The following FRYL variants were observed in gnomAD, a reference collection of about 807,000 sequenced individuals.
FRYL encodes protein furry homolog-like.
A neutral mutation model predicts 351.2 loss-of-function variants in FRYL; 150 were observed. The ratio of observed to expected loss-of-function variants is 0.43; its 90% CI spans 0.37 to 0.49. The LOEUF is 0.49. FRYL is among the 20% of genes least tolerant of loss of function. The pLI is 0.00. For missense variants in FRYL, 3,036 were observed against 3,619.3 expected, an observed-to-expected ratio of 0.84 and a Z score of 4.13; for synonymous variants, 1,153 against 1,257.1, an observed-to-expected ratio of 0.92 and a Z score of 1.75.
intron 2 of FRYL, among the ~76,000 whole-genome samples, chr4:48,706,561 T>C (rs926040531): frequency 2.0e-5 from 3 of 152,200 alleles, no homozygotes; most frequent in African/African-American, 4.8e-5. Flanking sequence ...TGGAGATGCA[T>C]GATAGTGATA....
intron 17 of FRYL, among the ~76,000 whole-genome samples, chr4:48,590,184 A>T (rs1363666634): frequency 6.6e-6 from 1 of 152,124 alleles, no homozygotes; most frequent in Non-Finnish European, 1.5e-5. Context: ...TATTATCAAA[A>T]AAACGTATTC....
chr4:48,528,590 T>C (rs1319727650), intron 50 of FRYL, among the ~76,000 whole-genome samples: 1 of 152,174 alleles, frequency 6.6e-6, no homozygotes, highest in African/African-American at 2.4e-5. Context: ...TTAAATGTAA[T>C]CTGCATTCTT....
At chr4:48,751,472 T>C (rs1054911620) in intron 1 of FRYL, among the ~76,000 whole-genome samples, 4 of 152,162 alleles carry the variant, frequency 2.6e-5, no homozygotes, top group African/African-American at 9.7e-5. Flanking sequence ...AATAAAGGCA[T>C]GTCCAGGACA....
At chr4:48,728,567 A>T (rs1770340471) in intron 1 of FRYL, among the ~76,000 whole-genome samples, 1 of 152,192 alleles carries the variant, frequency 6.6e-6, no homozygotes, top group Non-Finnish European at 1.5e-5. Flanking sequence ...AAAAAACAAA[A>T]AAAGCAAACA....
chr4:48,774,778 C>T, intron 1 of FRYL, among the ~76,000 whole-genome samples: 1 of 152,152 alleles, frequency 6.6e-6, no homozygotes, highest in Admixed American at 6.5e-5. Flanking sequence ...GAACTCCTAT[C>T]CTCAGTGATC....
chr4:48,523,511 G>A, intron 53 of FRYL: 1 of 158,112 alleles, frequency 6.3e-6, no homozygotes, highest in Non-Finnish European at 1.4e-5. Context: ...TTAGCAAAAA[G>A]GAAAACACAC....
intron 2 of FRYL, among the ~76,000 whole-genome samples, chr4:48,690,701 G>A (rs1765603131): frequency 6.6e-6 from 1 of 152,024 alleles, no homozygotes; most frequent in South Asian, 2.1e-4. Flanking sequence ...GCTTTCTAGG[G>A]TCATCTGTAA....
chr4:48,650,311 TCTTA>T (rs1420521348), intron 3 of FRYL, among the ~76,000 whole-genome samples: 5 of 152,314 alleles, frequency 3.3e-5, no homozygotes, highest in African/African-American at 9.6e-5. Context: ...CTACCCAATA[TCTTA>T]CTTGTCTGCA....
chr4:48,770,586 C>CA (rs1775410114), intron 1 of FRYL, among the ~76,000 whole-genome samples: 1 of 151,954 alleles, frequency 6.6e-6, no homozygotes. Flanking sequence ...TACAGGCATG[C>CA]ACTACCACGC....
chr4:48,709,195 C>T (rs1767740114), intron 2 of FRYL, among the ~76,000 whole-genome samples: 1 of 152,184 alleles, frequency 6.6e-6, no homozygotes, highest in Non-Finnish European at 1.5e-5. Flanking sequence ...GCTGGGATTA[C>T]AGGCATGAGC....
intron 4 of FRYL, 36 bp downstream of exon 4, chr4:48,634,255 G>T: frequency 6.7e-7 from 1 of 1,495,154 alleles, no homozygotes; most frequent in Non-Finnish European, 9.3e-7. Context: ...CAAAAGTCAA[G>T]AAAATATTTC....
chr4:48,638,214 A>G (rs1754641010), intron 3 of FRYL: 1 of 152,108 alleles, frequency 6.6e-6, no homozygotes, highest in Non-Finnish European at 1.5e-5. Flanking sequence ...TTATATGCAT[A>G]TATTTATGCA....
intron 47 of FRYL, among the ~76,000 whole-genome samples, chr4:48,537,925 C>T (rs554288608): frequency 6.6e-6 from 1 of 152,108 alleles, no homozygotes; most frequent in Non-Finnish European, 1.5e-5. Context: ...TCTTGAAACC[C>T]CCAAGTAAAC....
At chr4:48,554,433 G>A (rs1237598320) in intron 35 of FRYL, among the ~76,000 whole-genome samples, 3 of 151,764 alleles carry the variant, frequency 2.0e-5, no homozygotes, top group Non-Finnish European at 2.9e-5. Context: ...CTGCCTCCCC[G>A]GTTCAAGCAA....
chr4:48,548,878 T>G (rs76767750), intron 39 of FRYL, 85 bp from the exon 40 acceptor site: 1 of 712,234 alleles, frequency 1.4e-6, no homozygotes, highest in African/African-American at 1.8e-5. Flanking sequence ...TTGAAGACTT[T>G]AATATCACAT....
At chr4:48,592,101 T>TATATATATATATATATATAC (rs1158547540) in intron 16 of FRYL, among the ~76,000 whole-genome samples, 4 of 45,044 alleles carry the variant, frequency 8.9e-5, no homozygotes, top group Non-Finnish European at 2.4e-4. Context: ...TATATATATA[T>TATATATATATATATATATAC]ATATATATAT....
chr4:48,597,795 AT>A (rs1177496498), intron 13 of FRYL, among the ~76,000 whole-genome samples: 1 of 152,190 alleles, frequency 6.6e-6, no homozygotes, highest in Non-Finnish European at 1.5e-5. Context: ...AAAAAACTTG[AT>A]TTTCAAACAA....
rs1231042711 is a variant in FRYL at position 48,542,030 on chromosome 4, G to GAA, written c.5682_5683dup (p.Ser1895PhefsTer10). ...GTTGCCTGGTTTAAATTCTTACTGA[G>GAA]AAAGGGCAGAAAGAAGATCATAATG... On this transcript the variant is annotated frameshift_variant, in exon 45 of 64. Transcript: ENST00000358350. LOFTEE classifies it high-confidence loss of function. 1 of 1,608,036 alleles carries GAA rather than the reference G, an allele frequency of 6.2e-7. No homozygotes were observed. Among genetic ancestry groups the GAA allele is most frequent in the Non-Finnish European group, 8.5e-7 (1 of 1,174,692 alleles).
intron 4 of FRYL, among the ~76,000 whole-genome samples, chr4:48,632,091 AATAT>A (rs1560753223): frequency 0.027 from 638 of 23,304 alleles, 7 homozygotes; most frequent in Middle Eastern, 0.077. Flanking sequence ...AAAAAAAAAA[AATAT>A]ATATATATAT....
Sources: allele counts gnomAD v4.1 joint callset (sites outside exome capture counted in the v4.1 genomes callset), GRCh38; gene constraint gnomAD v4.1.1; transcripts MANE v1.5; gene names NCBI Gene and HGNC (gene_info 2026-07-23, HGNC 2026-07-21).